The following EXOSC7 variants were observed in gnomAD, a reference collection of about 807,000 sequenced individuals.
EXOSC7 encodes exosome component 7.
Under a neutral mutation model 34.3 loss-of-function variants are expected in EXOSC7, and 25 were observed. That is an observed-to-expected ratio of 0.73 (90% CI 0.53 to 1.02). The LOEUF (loss-of-function observed/expected upper bound fraction) is 1.02, where lower values mean the gene tolerates loss of function less well. Among genes scored for constraint, EXOSC7 ranks in the 50% least tolerant of loss-of-function variants. The pLI is 0.00. For synonymous variants in EXOSC7, 130 were observed against 143.0 expected, an observed-to-expected ratio of 0.91 and a Z score of 0.65; for missense variants, 370 against 368.5, an observed-to-expected ratio of 1.00 and a Z score of -0.03.
chr3:44,981,495 T>C (rs1706268121), intron 1 of EXOSC7, among the ~76,000 whole-genome samples: 1 of 152,184 alleles, frequency 6.6e-6, no homozygotes, highest in Admixed American at 6.6e-5. Context: ...ATCAGAAGTG[T>C]GACTTTGTCT....
chr3:44,989,351 C>A, intron 2 of EXOSC7, 110 bp downstream of exon 2: 1 of 953,480 alleles, frequency 1.0e-6, no homozygotes, highest in Non-Finnish European at 1.6e-6. Flanking sequence ...TTGGGGAAAT[C>A]GAAGATCCGA....
chr3:45,003,309 G>C (rs898028329), intron 5 of EXOSC7, among the ~76,000 whole-genome samples: 1 of 150,522 alleles, frequency 6.6e-6, no homozygotes, highest in Non-Finnish European at 1.5e-5. Flanking sequence ...CCAAAGGGTT[G>C]GGAAATTGGG....
In EXOSC7 at chr3:45,007,383, C is replaced by T. The variant is rs572648383; in HGVS notation, c.616-37C>T. 4.8e-5 allele frequency: 77 copies of T among 1,610,462 alleles called. 1 individual carries two copies. The South Asian group carries it at 5.5e-4, about 12-fold the overall frequency. On this transcript the variant is annotated intron_variant, in intron 6 of 7. Transcript: ENST00000265564. ...ATCAGGGGTGGGACTCTGGGGCCTG[C>T]GTGACCCACCGTGTGCCACGCACCC...
chr3:44,997,690 T>C (rs1459631432), intron 4 of EXOSC7, among the ~76,000 whole-genome samples: 2 of 152,206 alleles, frequency 1.3e-5, no homozygotes, highest in Non-Finnish European at 2.9e-5. Context: ...CATTTATAAG[T>C]GAGGAAACTA....
chr3:44,995,912 G>C (rs1706709078), intron 3 of EXOSC7, among the ~76,000 whole-genome samples: 1 of 152,174 alleles, frequency 6.6e-6, no homozygotes, highest in African/African-American at 2.4e-5. Context: ...GCTTTGCCTG[G>C]AATCTTCCTG....
At position 44,989,201 on chromosome 3, in the gene EXOSC7, A is replaced by C; in HGVS notation, c.119A>C (p.Asp40Ala). The change falls in exon 2 of 8, where the codon GAT becomes GCT. Residue 40 changes from aspartate to alanine, a missense_variant. Physicochemically the swap from Asp to Ala is moderately radical, Grantham distance 126. Transcript: ENST00000265564. The part of the protein sequence containing the change: ...EDYRCVEVET[D>A]VVSNTSGSAR... ...TACCGATGTGTCGAAGTGGAAACTG[A>C]TGTGGTGTCCAACACTAGTGGGTCC... 1 of 1,614,118 alleles carries C rather than the reference A, an allele frequency of 6.2e-7. No individual in the cohort carries two copies. Among genetic ancestry groups the C allele is most frequent in the Non-Finnish European group, 8.5e-7 (1 of 1,180,004 alleles).
intron 3 of EXOSC7, among the ~76,000 whole-genome samples, chr3:44,990,381 T>G (rs1218734225): frequency 1.3e-5 from 2 of 152,236 alleles, no homozygotes; most frequent in African/African-American, 4.8e-5. Context: ...TCAATAAGTA[T>G]TATTAGCTCC....
At chr3:45,012,270 G>C (rs1056203371), downstream of EXOSC7, 5 of 152,184 alleles carry the variant, frequency 3.3e-5, no homozygotes, top group African/African-American at 4.8e-5. Flanking sequence ...TTTGCTCTCT[G>C]CATTCCAGTT....
chr3:44,977,696 G>C lies in EXOSC7; in HGVS notation c.57+1362G>C, dbSNP rs11928136. ...TATATTTTTGTATACACTTTGTTCA[G>C]GTGATTTTTATCCTCAAAGTATTTT... On this transcript the variant is annotated intron_variant, in intron 1 of 7. Coordinates refer to ENST00000265564, the MANE Select transcript of EXOSC7 (RefSeq NM_015004.4). Among the ~76,000 whole-genome samples the C allele has an allele frequency of 3.8e-4, 58 of 152,290 alleles. 1 individual carries two copies. The highest frequency in any genetic ancestry group is 1.3e-3 in the African/African-American group (52 of 41,560).
At position 45,001,560 on chromosome 3, in the gene EXOSC7, T is replaced by A. The variant is rs993009634; in HGVS notation, c.443T>A (p.Leu148Ter). ...TAGCTTCTGGAATGTGGTGGAAATTTGTTTGATGCCATTTCCATTGCTGTA... is the reference window on the plus strand; with the variant it reads ...TAGCTTCTGGAATGTGGTGGAAATTAGTTTGATGCCATTTCCATTGCTGTA... Reference protein sequence around the residue: ...DVLLLECGGNLFDAISIAVKA... With the variant: ...DVLLLECGGN Residue 148 changes from leucine to a stop codon, truncating the protein, a stop_gained, in exon 5 of 8, where the codon TTG (leucine) becomes TAG (stop). Coordinates refer to ENST00000265564, the MANE Select transcript of EXOSC7 (RefSeq NM_015004.4). LOFTEE classifies it high-confidence loss of function. 1.9e-6 allele frequency: 3 copies of A among 1,613,846 alleles called. No homozygotes were observed. Among genetic ancestry groups the A allele is most frequent in the Non-Finnish European group, 2.5e-6 (3 of 1,179,688 alleles).
intron 1 of EXOSC7, among the ~76,000 whole-genome samples, chr3:44,981,038 C>G (rs1706257964): frequency 6.6e-6 from 1 of 152,212 alleles, no homozygotes; most frequent in Non-Finnish European, 1.5e-5. Flanking sequence ...CCCAGGGATT[C>G]TGAAGCCTTG....
At chr3:44,982,520 T>C (rs1396375177) in intron 1 of EXOSC7, among the ~76,000 whole-genome samples, 2 of 152,210 alleles carry the variant, frequency 1.3e-5, no homozygotes, top group Non-Finnish European at 2.9e-5. Flanking sequence ...GCCATTTTAT[T>C]GTATGTTCTT....
At chr3:45,007,665 C>A in intron 7 of EXOSC7, 90 bp downstream of exon 7, 1 of 1,354,480 alleles carries the variant, frequency 7.4e-7, no homozygotes, top group Non-Finnish European at 9.9e-7. Flanking sequence ...GGATTCTCCC[C>A]ATTCACAGCC....
chr3:44,976,300 A>G lies in EXOSC7; in HGVS notation c.23A>G (p.Glu8Gly), dbSNP rs140839510. Residue 8 changes from glutamate to glycine, a missense_variant, in exon 1 of 8, where the codon GAG becomes GGG. This residue lies in a region of EXOSC7 where 95 missense variants were observed against 79.8 expected (regional missense o/e 1.19). Coordinates refer to ENST00000265564, the MANE Select transcript of EXOSC7 (RefSeq NM_015004.4). ...AGCATGGCGTCCGTGACGCTGAGCG[A>G]GGCGGAGAAGGTGTACATCGTGCAT... MASVTLSEAEKVYIVHGV... is the reference protein window; with the variant it reads MASVTLSGAEKVYIVHGV... 9.0e-6 allele frequency: 14 copies of G among 1,561,680 alleles called. No homozygotes were observed. The highest frequency in any genetic ancestry group is 2.0e-5 in the Admixed American group (1 of 48,966).
chr3:45,003,891 C>T (rs1466180686), intron 5 of EXOSC7, among the ~76,000 whole-genome samples: 2 of 152,180 alleles, frequency 1.3e-5, no homozygotes, highest in Non-Finnish European at 2.9e-5. Context: ...TTTGAGAGAT[C>T]TGTGTTGCTG....
intron 3 of EXOSC7, among the ~76,000 whole-genome samples, chr3:44,994,597 A>G (rs917016815): frequency 9.2e-5 from 14 of 152,284 alleles, no homozygotes; most frequent in Non-Finnish European, 1.8e-4. Flanking sequence ...GTGAGTGCCC[A>G]GTAGTGAAGT....
At chr3:44,996,170 AT>A (rs1706716536) in intron 3 of EXOSC7, among the ~76,000 whole-genome samples, 1 of 152,126 alleles carries the variant, frequency 6.6e-6, no homozygotes, top group Non-Finnish European at 1.5e-5. Context: ...AGGCTTTAAT[AT>A]GTGATTTTAT....
intron 6 of EXOSC7, among the ~76,000 whole-genome samples, chr3:45,006,367 C>T (rs1224307691): frequency 4.7e-5 from 7 of 150,138 alleles, no homozygotes; most frequent in Non-Finnish European, 8.9e-5. Flanking sequence ...CATAAGCCAC[C>T]GCACCTAGCC....
At chr3:44,994,856 G>GGTGGGT (rs1553699421) in intron 3 of EXOSC7, among the ~76,000 whole-genome samples, 2 of 134,864 alleles carry the variant, frequency 1.5e-5, no homozygotes, top group African/African-American at 5.7e-5. Flanking sequence ...TGGAAGAATG[G>GGTGGGT]GTGTGTGTGT....
Sources: allele counts gnomAD v4.1 joint callset (sites outside exome capture counted in the v4.1 genomes callset), GRCh38; gene constraint gnomAD v4.1.1; regional missense constraint gnomAD v4.1.1; transcripts MANE v1.5; gene names NCBI Gene and HGNC (gene_info 2026-07-23, HGNC 2026-07-21).